Variants in CLEC2A observed in about 807,000 individuals in gnomAD.
CLEC2A encodes keratinocyte-associated C-type lectin.
CLEC2A carries 19 observed loss-of-function variants against 18.6 expected under a neutral mutation model. The observed-to-expected ratio is 1.02, with a 90% CI of 0.71 to 1.50. CLEC2A has a LOEUF of 1.50. Among genes scored for constraint, CLEC2A ranks in the 40% most tolerant of loss-of-function variants. The pLI, the probability that CLEC2A is intolerant of heterozygous loss-of-function variation, is 0.00. For synonymous variants in CLEC2A, 74 were observed against 64.0 expected (o/e 1.16, Z -0.75); for missense variants, 190 against 207.9 (o/e 0.91, Z 0.53).
chr12:9,893,254 T>C, the CLEC2A span: 2 of 1,283,888 alleles, frequency 1.6e-6, no homozygotes, highest in South Asian at 1.5e-5. Flanking sequence ...GGAGGTTTAT[T>C]GTCGTTGCTT....
chr12:9,877,780 C>T, the CLEC2A span, among the ~76,000 whole-genome samples: 1 of 152,148 alleles, frequency 6.6e-6, no homozygotes, highest in African/African-American at 2.4e-5. Context: ...GATGTATTCT[C>T]AGTGGTTAGA....
At chr12:9,911,270 T>C (rs530967596), downstream of CLEC2A, among the ~76,000 whole-genome samples, 133 of 152,200 alleles carry the variant, frequency 8.7e-4, no homozygotes, top group African/African-American at 3.1e-3. Context: ...CTGACATGTC[T>C]AGGCATGTCA....
intron 3 of CLEC2A, 138 bp from the exon 4 acceptor site, chr12:9,916,941 A>G (rs1205545030): frequency 3.5e-6 from 2 of 577,534 alleles, no homozygotes; most frequent in Non-Finnish European, 6.2e-6. Context: ...AACAACAAAC[A>G]GCACAGATGT....
chr12:9,908,878 G>C (rs2137025395), downstream of CLEC2A, among the ~76,000 whole-genome samples: 1 of 152,246 alleles, frequency 6.6e-6, no homozygotes, highest in Non-Finnish European at 1.5e-5. Context: ...TGGCCCCCTG[G>C]GGGCTTTGTT....
intron 4 of CLEC2A, among the ~76,000 whole-genome samples, chr12:9,901,095 T>C (rs953206378): frequency 9.2e-5 from 14 of 152,114 alleles, no homozygotes; most frequent in African/African-American, 3.4e-4. Context: ...AAAACAAGGA[T>C]CAATAATATT....
downstream of CLEC2A, among the ~76,000 whole-genome samples, chr12:9,894,499 T>G (rs866807202): frequency 1.2e-4 from 18 of 152,172 alleles, no homozygotes; most frequent in African/African-American, 3.9e-4. Flanking sequence ...TGCTTCTTTA[T>G]CTGTATAAAA....
At chr12:9,895,857 C>A (rs772738765), downstream of CLEC2A, 74 of 1,506,144 alleles carry the variant, frequency 4.9e-5, no homozygotes, top group Non-Finnish European at 5.8e-5. Context: ...CATAGAAATA[C>A]TTTGCATGTT....
downstream of CLEC2A, among the ~76,000 whole-genome samples, chr12:9,894,040 TTC>T (rs1318093845): frequency 6.6e-6 from 1 of 151,372 alleles, no homozygotes; most frequent in Non-Finnish European, 1.5e-5. Context: ...CTCTTTCTTT[TTC>T]TTTCTTTCTT....
chr12:9,884,406 A>C, the CLEC2A span, among the ~76,000 whole-genome samples: 5 of 151,820 alleles, frequency 3.3e-5, no homozygotes, highest in African/African-American at 1.2e-4. Flanking sequence ...TAAAATGTGG[A>C]TATTTCCAGT....
chr12:9,897,196 A>G (rs755647183), downstream of CLEC2A, among the ~76,000 whole-genome samples: 4 of 152,122 alleles, frequency 2.6e-5, no homozygotes, highest in Non-Finnish European at 5.9e-5. Flanking sequence ...CTAAATTGTT[A>G]ATAGTAGGTA....
chr12:9,884,632 T>G, the CLEC2A span, among the ~76,000 whole-genome samples: 1 of 148,896 alleles, frequency 6.7e-6, no homozygotes, highest in South Asian at 2.1e-4. Context: ...ATAACAAATA[T>G]TTATATCATA....
the CLEC2A span, among the ~76,000 whole-genome samples, chr12:9,887,909 A>G: frequency 1.3e-5 from 2 of 151,800 alleles, no homozygotes; most frequent in Non-Finnish European, 2.9e-5. Flanking sequence ...CACAAAAATT[A>G]GCTGGGTGTG....
the CLEC2A span, among the ~76,000 whole-genome samples, chr12:9,882,378 C>G: frequency 2.0e-5 from 3 of 152,300 alleles, no homozygotes; most frequent in African/African-American, 7.2e-5. Context: ...TTGTTATTAT[C>G]TGAAGACTCA....
intron 4 of CLEC2A, among the ~76,000 whole-genome samples, chr12:9,916,367 C>T (rs1315526282): frequency 1.3e-5 from 2 of 151,928 alleles, no homozygotes; most frequent in Admixed American, 1.3e-4. Context: ...ACAAGTAATA[C>T]GTGAGTTTTG....
downstream of CLEC2A, among the ~76,000 whole-genome samples, chr12:9,895,277 AATAG>A (rs1418090280): frequency 6.6e-6 from 1 of 152,246 alleles, no homozygotes; most frequent in African/African-American, 2.4e-5. Context: ...GTGGAGAATT[AATAG>A]ATAGGAAACA....
Position 9,927,025 on chromosome 12 carries a change from G to A in CLEC2A, c.56-682C>T, listed in dbSNP as rs74063398. Among the ~76,000 whole-genome samples the A allele has an allele frequency of 9.9e-3, 1,506 of 152,018 alleles. 29 individuals carry two copies. Among genetic ancestry groups the A allele is most frequent in the African/African-American group, 0.033 (1,354 of 41,326 alleles). ...TAGAAACAATCTAGGAAGAATGTGCGTGTATGTGTGTGTCTGTGTGTGTGT... is the reference window on the plus strand; with the variant it reads ...TAGAAACAATCTAGGAAGAATGTGCATGTATGTGTGTGTCTGTGTGTGTGT... On this transcript the variant is annotated intron_variant, in intron 1 of 4. Transcript: ENST00000455827.
downstream of CLEC2A, among the ~76,000 whole-genome samples, chr12:9,894,812 C>T (rs919499187): frequency 2.0e-5 from 3 of 151,160 alleles, no homozygotes; most frequent in Non-Finnish European, 4.4e-5. Flanking sequence ...GCTTTTAATG[C>T]AATATTTGAA....
the CLEC2A span, among the ~76,000 whole-genome samples, chr12:9,882,056 G>T: frequency 6.6e-5 from 10 of 151,290 alleles, no homozygotes; most frequent in African/African-American, 2.4e-4. Flanking sequence ...TTTAATCTTC[G>T]TAAAAGCCCT....
chr12:9,893,429 G>T, the CLEC2A span: 23 of 1,321,434 alleles, frequency 1.7e-5, no homozygotes, highest in East Asian at 3.3e-4. Flanking sequence ...TCTTCTGCAG[G>T]AGTTCATACA....
Sources: allele counts gnomAD v4.1 joint callset (sites outside exome capture counted in the v4.1 genomes callset), GRCh38; gene constraint gnomAD v4.1.1; transcripts MANE v1.5; gene names NCBI Gene and HGNC (gene_info 2026-07-23, HGNC 2026-07-21).